Variants in PLCB1 observed in about 807,000 individuals in gnomAD.
PLCB1 encodes phospholipase C beta 1.
PLCB1 carries 46 observed loss-of-function variants against 161.8 expected under a neutral mutation model. The ratio of observed to expected loss-of-function variants is 0.28; its 90% CI spans 0.22 to 0.36. The LOEUF (loss-of-function observed/expected upper bound fraction) is 0.36. Among genes scored for constraint, PLCB1 ranks in the 10% least tolerant of loss-of-function variants. The pLI, the probability that PLCB1 is intolerant of heterozygous loss-of-function variation, is 1.00. For synonymous variants in PLCB1, 517 were observed against 503.7 expected, an observed-to-expected ratio of 1.03 and a Z score of -0.35; for missense variants, 1,016 against 1,472.5, an observed-to-expected ratio of 0.69 and a Z score of 5.07.
intron 5 of PLCB1, among the ~76,000 whole-genome samples, chr20:8,647,057 A>C (rs996193267): frequency 2.0e-5 from 3 of 152,074 alleles, no homozygotes; most frequent in Non-Finnish European, 2.9e-5. Flanking sequence ...TCAATACCTC[A>C]GGTCTTCATT....
At chr20:8,431,121 C>G (rs973330931) in intron 3 of PLCB1, among the ~76,000 whole-genome samples, 1 of 151,944 alleles carries the variant, frequency 6.6e-6, no homozygotes, top group African/African-American at 2.4e-5. Flanking sequence ...AACAAACTTA[C>G]ATTGTCATCT....
rs1223590916 is a variant in PLCB1 at position 8,252,657 on chromosome 20, C to T, written c.177+102286C>T. Among the ~76,000 whole-genome samples, 3 of 152,086 alleles carry T rather than the reference C, an allele frequency of 2.0e-5. 1 individual carries two copies. The South Asian group carries it at 6.2e-4, about 32-fold the overall frequency. Reference sequence around the variant, plus strand: ...ATTGTTTTCAATAAAATCTCATTAGCTCACAAGGCAAATTGAATTCTCACT... The same window carrying T: ...ATTGTTTTCAATAAAATCTCATTAGTTCACAAGGCAAATTGAATTCTCACT... On this transcript the variant is annotated intron_variant, in intron 2 of 31. Transcript: ENST00000338037.
chr20:8,475,363 A>G (rs1982232079), intron 3 of PLCB1, among the ~76,000 whole-genome samples: 1 of 152,152 alleles, frequency 6.6e-6, no homozygotes, highest in African/African-American at 2.4e-5. Flanking sequence ...AGGTGGCAGG[A>G]TTGCTTGAGC....
At chr20:8,300,623 G>A (rs1234774705) in intron 2 of PLCB1, among the ~76,000 whole-genome samples, 1 of 152,096 alleles carries the variant, frequency 6.6e-6, no homozygotes, top group Non-Finnish European at 1.5e-5. Context: ...CATGTGCCAT[G>A]TTGGTGTGCT....
intron 3 of PLCB1, among the ~76,000 whole-genome samples, chr20:8,621,964 C>T (rs1015495410): frequency 1.3e-5 from 2 of 152,122 alleles, no homozygotes; most frequent in Admixed American, 1.3e-4. Flanking sequence ...ATTAGAAGAA[C>T]TTGTTGTTAT....
At chr20:8,352,507 A>T (rs1327697412) in intron 2 of PLCB1, among the ~76,000 whole-genome samples, 1 of 152,282 alleles carries the variant, frequency 6.6e-6, no homozygotes, top group East Asian at 1.9e-4. Flanking sequence ...ATTTTGCAGC[A>T]CAAAAATAAA....
At chr20:8,235,277 C>A (rs1980261868) in intron 2 of PLCB1, among the ~76,000 whole-genome samples, 1 of 152,012 alleles carries the variant, frequency 6.6e-6, no homozygotes, top group Admixed American at 6.6e-5. Flanking sequence ...AAGCATGTTG[C>A]AGAATTATTC....
intron 27 of PLCB1, among the ~76,000 whole-genome samples, chr20:8,776,891 C>T (rs952827263): frequency 2.0e-5 from 3 of 151,820 alleles, no homozygotes; most frequent in African/African-American, 4.8e-5. Context: ...TAAGGAGGGG[C>T]GGTTTGGGGA....
intron 31 of PLCB1, among the ~76,000 whole-genome samples, chr20:8,872,538 G>A (rs1209036764): frequency 1.3e-5 from 2 of 152,126 alleles, no homozygotes; most frequent in African/African-American, 4.8e-5. Flanking sequence ...TCCTGCCCTT[G>A]GTTGCCGAGG....
chr20:8,379,732 TGG>T (rs2122380807), intron 3 of PLCB1, among the ~76,000 whole-genome samples: 1 of 152,380 alleles, frequency 6.6e-6, no homozygotes, highest in Admixed American at 6.5e-5. Context: ...ATATGTTTCT[TGG>T]CTGCATAAAT....
At chr20:8,263,466 G>A (rs935794794) in intron 2 of PLCB1, among the ~76,000 whole-genome samples, 4 of 152,168 alleles carry the variant, frequency 2.6e-5, no homozygotes, top group Admixed American at 6.6e-5. Flanking sequence ...AAATTTGAAC[G>A]CCTTCACTAT....
chr20:8,641,074 A>C lies in PLCB1; in HGVS notation c.385-5028A>C, dbSNP rs150050520. ...AGATACTTGAACAACAGTTCTTCAG[A>C]ATACAGCCCAAAACATCAACCAAAG... On this transcript the variant is annotated intron_variant, in intron 4 of 31. Transcript: ENST00000338037. 4.9e-4 allele frequency among the ~76,000 whole-genome samples: 74 copies of C among 152,346 alleles called. 2 individuals carry two copies. The East Asian group carries it at 0.014, about 28-fold the overall frequency.
At chr20:8,706,639 T>G (rs779752907) in intron 11 of PLCB1, among the ~76,000 whole-genome samples, 32 of 152,194 alleles carry the variant, frequency 2.1e-4, no homozygotes, top group Non-Finnish European at 4.3e-4. Flanking sequence ...CTCAGTTCTT[T>G]TGAGGGCTTT....
At chr20:8,447,305 G>T (rs757198479) in intron 3 of PLCB1, among the ~76,000 whole-genome samples, 2 of 152,070 alleles carry the variant, frequency 1.3e-5, no homozygotes, top group African/African-American at 2.4e-5. Context: ...ATCTTCCTCC[G>T]GTGCTAGCTG....
chr20:8,569,253 G>A (rs548684848), intron 3 of PLCB1, among the ~76,000 whole-genome samples: 8 of 152,128 alleles, frequency 5.3e-5, no homozygotes, highest in African/African-American at 9.7e-5. Context: ...CATCTGCCAC[G>A]GTGAAAAGCT....
At chr20:8,837,368 T>C (rs1027643620) in intron 31 of PLCB1, among the ~76,000 whole-genome samples, 4 of 152,176 alleles carry the variant, frequency 2.6e-5, no homozygotes, top group Non-Finnish European at 4.4e-5. Flanking sequence ...TAGAAAAGTT[T>C]GGAAAACTGT....
chr20:8,487,626 T>C (rs1351698503), intron 3 of PLCB1, among the ~76,000 whole-genome samples: 3 of 152,282 alleles, frequency 2.0e-5, no homozygotes, highest in African/African-American at 7.2e-5. Flanking sequence ...TCTTTCTTAA[T>C]TGGCTTCAGT....
intron 24 of PLCB1, among the ~76,000 whole-genome samples, chr20:8,759,661 C>T (rs1010025467): frequency 6.6e-5 from 10 of 151,940 alleles, no homozygotes; most frequent in Admixed American, 2.0e-4. Context: ...CCATCACACC[C>T]GGCTAATTTT....
chr20:8,145,938 C>G (rs1224413206), intron 1 of PLCB1, among the ~76,000 whole-genome samples: 1 of 152,168 alleles, frequency 6.6e-6, no homozygotes, highest in African/African-American at 2.4e-5. Context: ...TTAGTCTCAG[C>G]AGTCGCATTT....
Sources: allele counts gnomAD v4.1 joint callset (sites outside exome capture counted in the v4.1 genomes callset), GRCh38; gene constraint gnomAD v4.1.1; transcripts MANE v1.5; gene names NCBI Gene and HGNC (gene_info 2026-07-23, HGNC 2026-07-21).